INPP5F: variants seen among roughly 807,000 people sequenced by gnomAD.
The protein encoded by INPP5F is inositol polyphosphate-5-phosphatase F.
Under a neutral mutation model 137.2 loss-of-function variants are expected in INPP5F, and 97 were observed. That is an observed-to-expected ratio of 0.71 (90% confidence interval 0.60 to 0.84). INPP5F has a LOEUF of 0.84. Ranked by LOEUF, INPP5F falls within the 40% of genes least tolerant of loss-of-function variation. The pLI is 0.00. For missense variants in INPP5F, 1,271 were observed against 1,371.9 expected, an observed-to-expected ratio of 0.93 and a Z score of 1.16; for synonymous variants, 504 against 476.9, an observed-to-expected ratio of 1.06 and a Z score of -0.74.
chr10:119,730,281 T>C (rs1458535158), intron 1 of INPP5F, among the ~76,000 whole-genome samples: 1 of 152,200 alleles, frequency 6.6e-6, no homozygotes, highest in African/African-American at 2.4e-5. Context: ...GGCAAGTTTT[T>C]GTATTTTTAC....
intron 11 of INPP5F, 94 bp downstream of exon 11, chr10:119,805,555 A>G (rs1850746692): frequency 5.8e-6 from 5 of 864,584 alleles, no homozygotes; most frequent in African/African-American, 5.1e-5. Context: ...CAGAGACAGC[A>G]TTTTTTTTTG....
intron 3 of INPP5F, 131 bp from the exon 4 acceptor site, chr10:119,791,386 A>G (rs1850137823): frequency 2.8e-6 from 2 of 709,790 alleles, no homozygotes; most frequent in African/African-American, 1.8e-5. Flanking sequence ...TCAATTGTCT[A>G]CTTGATAATT....
chr10:119,821,070 C>T (rs557034584), intron 16 of INPP5F, among the ~76,000 whole-genome samples, 153 bp downstream of exon 16: 78 of 152,218 alleles, frequency 5.1e-4, no homozygotes, highest in Middle Eastern at 6.8e-3. Flanking sequence ...ATAACTGTTA[C>T]GTCATTCTAA....
At chr10:119,816,975 C>T (rs12772503) in intron 15 of INPP5F, among the ~76,000 whole-genome samples, 7,173 of 152,242 alleles carry the variant, frequency 0.047, 302 homozygotes, top group South Asian at 0.25. Flanking sequence ...AGAGAAGCCC[C>T]GTACTTTTTA....
intron 15 of INPP5F, among the ~76,000 whole-genome samples, chr10:119,815,075 C>G (rs1207120427): frequency 1.3e-5 from 2 of 152,082 alleles, no homozygotes; most frequent in Non-Finnish European, 2.9e-5. Flanking sequence ...CCCTGTTAGC[C>G]AGGATGGTCT....
intron 1 of INPP5F, among the ~76,000 whole-genome samples, chr10:119,733,779 A>G (rs777821854): frequency 4.6e-5 from 7 of 152,194 alleles, no homozygotes; most frequent in Admixed American, 1.3e-4. Flanking sequence ...AGCTTGGTCT[A>G]TGGGGAACCT....
At chr10:119,789,023 C>T (rs774425940) in intron 3 of INPP5F, among the ~76,000 whole-genome samples, 43 of 151,992 alleles carry the variant, frequency 2.8e-4, no homozygotes, top group Non-Finnish European at 3.7e-4. Context: ...GTTGGGAGTT[C>T]GAGACCAGCC....
chr10:119,730,120 C>G (rs570721598), intron 1 of INPP5F, among the ~76,000 whole-genome samples: 1 of 149,700 alleles, frequency 6.7e-6, no homozygotes, highest in Non-Finnish European at 1.5e-5. Context: ...TTTTTTCTTT[C>G]TTTTTTGAGA....
chr10:119,756,124 C>G (rs1224264854), intron 2 of INPP5F, among the ~76,000 whole-genome samples: 1 of 151,906 alleles, frequency 6.6e-6, no homozygotes, highest in Non-Finnish European at 1.5e-5. Flanking sequence ...CCACTGCACT[C>G]CAGCCTGGGT....
chr10:119,782,003 G>A (rs1849726237), intron 3 of INPP5F, among the ~76,000 whole-genome samples: 1 of 152,130 alleles, frequency 6.6e-6, no homozygotes, highest in South Asian at 2.1e-4. Context: ...TAGTGTTGGG[G>A]GAATCCCTGG....
rs189114112 is a variant in INPP5F, at chr10:119,798,157, T to A, written c.1049-386T>A. 2.4e-3 allele frequency among the ~76,000 whole-genome samples: 358 copies of A among 152,082 alleles called. 1 individual carries two copies. The highest frequency in any genetic ancestry group is 7.8e-3 in the African/African-American group (323 of 41,528). ...TTAGATTACTGAATGAGCTTGATTT[T>A]AAAAAAAATGTTAAAGTAAATTTCT... On this transcript the variant is annotated intron_variant, in intron 8 of 19. Transcript: ENST00000650623.
In INPP5F at chr10:119,778,079, T is replaced by C. The variant is rs1039828280; in HGVS notation, c.179-3556T>C. Among the ~76,000 whole-genome samples, 16 of 152,156 alleles carry C rather than the reference T, an allele frequency of 1.1e-4. 1 individual carries two copies. Among genetic ancestry groups the C allele is most frequent in the African/African-American group, 3.6e-4 (15 of 41,400 alleles). ...TGGAGTTCAGTGGTGCCGTCTCGGC[T>C]CACTGCAACCTCTGCCTCCCAAGTT... On this transcript the variant is annotated intron_variant, in intron 2 of 19. Transcript: ENST00000650623.
At chr10:119,823,276 A>T in intron 18 of INPP5F, 77 bp downstream of exon 18, 1 of 1,373,400 alleles carries the variant, frequency 7.3e-7, no homozygotes, top group Non-Finnish European at 1.0e-6. Context: ...AATTGGGGAC[A>T]TTTCATATCA....
intron 4 of INPP5F, 67 bp downstream of exon 4, chr10:119,791,712 C>A: frequency 7.0e-7 from 1 of 1,434,794 alleles, no homozygotes; most frequent in Non-Finnish European, 9.6e-7. Flanking sequence ...AGATAATTCT[C>A]CACTCAGAAA....
intron 17 of INPP5F, 126 bp from the exon 18 acceptor site, chr10:119,822,945 C>T: frequency 1.1e-6 from 1 of 907,336 alleles, no homozygotes; most frequent in Non-Finnish European, 1.6e-6. Flanking sequence ...AAATGGTCAC[C>T]AGAAGTTTGT....
chr10:119,819,715 A>AT (rs1851473128), intron 15 of INPP5F: 1 of 424,070 alleles, frequency 2.4e-6, no homozygotes, highest in Non-Finnish European at 4.2e-6. Flanking sequence ...CATTTGCTGT[A>AT]TTTTTTGATA....
chr10:119,765,069 A>C (rs1031051058), intron 2 of INPP5F, among the ~76,000 whole-genome samples: 5 of 152,032 alleles, frequency 3.3e-5, no homozygotes, highest in Admixed American at 2.6e-4. Context: ...AGTAGGTGGG[A>C]TTACAGGTGC....
chr10:119,785,145 A>G (rs903089205), intron 3 of INPP5F, among the ~76,000 whole-genome samples: 2 of 151,710 alleles, frequency 1.3e-5, no homozygotes, highest in Non-Finnish European at 2.9e-5. Context: ...TTTAGCTATT[A>G]TGAATAATGC....
chr10:119,806,245 C>T lies in INPP5F; in HGVS notation c.1320-115C>T, dbSNP rs187693632. On this transcript the variant is annotated intron_variant, in intron 11 of 19. Coordinates refer to ENST00000650623, the MANE Select transcript of INPP5F (RefSeq NM_014937.4). ...CAATAATGCATAGCATATAAAGATA[C>T]ACCAAGCAAATTACAGCCAGTGCTG... is the stretch of plus-strand genomic sequence containing the variant. 267 of 658,120 alleles carry T rather than the reference C, an allele frequency of 4.1e-4. 2 individuals carry two copies. The African/African-American group carries it at 4.4e-3, about 11-fold the overall frequency. 40.8% of individuals were successfully genotyped at this position (658,120 alleles called of 1,614,324 possible).
Sources: gnomAD v4.1 joint callset for allele counts (sites outside exome capture counted in the v4.1 genomes callset) on GRCh38, gnomAD v4.1.1 for gene constraint, MANE v1.5 for transcripts, NCBI Gene and HGNC (gene_info 2026-07-23, HGNC 2026-07-21) for gene names.